PCDH15: variants seen among roughly 807,000 people sequenced by gnomAD.
PCDH15 encodes protocadherin-15.
In PCDH15, 129 loss-of-function variants were observed where a neutral mutation model predicts 178.5. That is an observed-to-expected ratio of 0.72 (90% CI 0.63 to 0.84). PCDH15 has a LOEUF of 0.84. PCDH15 is among the 40% of genes least tolerant of loss of function. The probability of loss-of-function intolerance (pLI) is 0.00; values close to 1 mark genes in which losing one functional copy is unlikely to be tolerated. For synonymous variants in PCDH15, 800 were observed against 732.0 expected, an observed-to-expected ratio of 1.09 and a Z score of -1.50; for missense variants, 2,230 against 2,099.9, an observed-to-expected ratio of 1.06 and a Z score of -1.21.
At chr10:54,339,363 CAA>C (rs5785069) in intron 6 of PCDH15, among the ~76,000 whole-genome samples, 1 of 131,646 alleles carries the variant, frequency 7.6e-6, no homozygotes, top group African/African-American at 3.0e-5. Context: ...AGGCATTAAA[CAA>C]AAAAAAAAAT....
intron 2 of PCDH15, among the ~76,000 whole-genome samples, chr10:55,050,719 A>C (rs1744544074): frequency 6.6e-6 from 1 of 152,118 alleles, no homozygotes; most frequent in South Asian, 2.1e-4. Context: ...TCTCTTTTAT[A>C]TATTGCCAAA....
intron 25 of PCDH15, among the ~76,000 whole-genome samples, chr10:53,918,641 C>T (rs998070691): frequency 6.6e-6 from 1 of 151,724 alleles, no homozygotes; most frequent in Non-Finnish European, 1.5e-5. Flanking sequence ...GAAAAAAATG[C>T]CTTTCAAACA....
Position 54,205,543 on chromosome 10 carries a change from G to GA in PCDH15, c.1098+8392dup, listed in dbSNP as rs2050715547. On this transcript the variant is annotated intron_variant, in intron 10 of 37. Transcript: ENST00000644397. ...AAATGTCTTAGGGAGGGATGACTGT[G>GA]AATAACCTGTGCTCCATGAATCAAT... Among the ~76,000 whole-genome samples, 4 of 137,108 alleles carry GA rather than the reference G, an allele frequency of 2.9e-5. No individual in the cohort carries two copies. In the South Asian group the frequency reaches 9.1e-4, roughly 31 times the overall value. The allele number at this position is 137,108 out of a possible 152,430, so 89.9% of individuals were successfully genotyped here. A position where few individuals can be genotyped will look rare whatever the true frequency, so the allele number is the denominator to read the frequency against.
At chr10:54,521,860 C>T (rs138382381) in intron 3 of PCDH15, among the ~76,000 whole-genome samples, 5,409 of 151,924 alleles carry the variant, frequency 0.036, 130 homozygotes, top group Non-Finnish European at 0.054. Flanking sequence ...GAGGCCGAGG[C>T]GGGTGGATCA....
intron 2 of PCDH15, among the ~76,000 whole-genome samples, chr10:55,412,356 T>C (rs928247140): frequency 1.3e-4 from 20 of 152,044 alleles, no homozygotes; most frequent in African/African-American, 4.6e-4. Context: ...ACATCTCCCA[T>C]GTTTTTGTAG....
chr10:55,588,652 A>T (rs1842773925), intron 2 of PCDH15, among the ~76,000 whole-genome samples: 1 of 152,084 alleles, frequency 6.6e-6, no homozygotes, highest in Non-Finnish European at 1.5e-5. Flanking sequence ...CTCTAGTATT[A>T]CCAAACCTTT....
intron 18 of PCDH15, among the ~76,000 whole-genome samples, chr10:54,048,929 AG>A (rs200150347): frequency 0.037 from 5,578 of 151,720 alleles, 128 homozygotes; most frequent in Middle Eastern, 0.068. Flanking sequence ...GTTTGATAGG[AG>A]TAGCATTGCA....
chr10:55,036,000 C>A (rs960224928), intron 2 of PCDH15, among the ~76,000 whole-genome samples: 2 of 152,018 alleles, frequency 1.3e-5, no homozygotes, highest in African/African-American at 4.8e-5. Flanking sequence ...TGTGTCCCCC[C>A]AAAGGCATGT....
intron 2 of PCDH15, among the ~76,000 whole-genome samples, chr10:55,345,676 T>A (rs1222743457): frequency 9.7e-6 from 1 of 103,360 alleles, no homozygotes; most frequent in Non-Finnish European, 2.0e-5. Flanking sequence ...TTGTGTTGTG[T>A]GATACTTTTT....
intron 2 of PCDH15, among the ~76,000 whole-genome samples, chr10:55,014,211 A>G (rs1462794835): frequency 6.6e-6 from 1 of 151,872 alleles, no homozygotes; most frequent in East Asian, 1.9e-4. Context: ...TTTTTTTTTT[A>G]TAATTACAAA....
chr10:55,331,992 C>G (rs1211104291), intron 2 of PCDH15, among the ~76,000 whole-genome samples: 1 of 152,092 alleles, frequency 6.6e-6, no homozygotes, highest in African/African-American at 2.4e-5. Flanking sequence ...TACATCAAAA[C>G]TGGCTGCCAT....
intron 15 of PCDH15, among the ~76,000 whole-genome samples, chr10:54,110,240 A>G (rs1254668983): frequency 6.6e-6 from 1 of 151,452 alleles, no homozygotes; most frequent in East Asian, 2.0e-4. Context: ...ACCCAGTGAC[A>G]TTTACTTAGT....
At chr10:53,962,469 C>T (rs2088458726) in intron 21 of PCDH15, among the ~76,000 whole-genome samples, 2 of 152,228 alleles carry the variant, frequency 1.3e-5, no homozygotes, top group South Asian at 4.1e-4. Flanking sequence ...GATTACCATG[C>T]TAGGTATTTC....
chr10:54,067,688 A>C (rs1421290151), intron 17 of PCDH15, among the ~76,000 whole-genome samples: 4 of 152,204 alleles, frequency 2.6e-5, no homozygotes, highest in African/African-American at 7.2e-5. Context: ...GCTGAGAGCA[A>C]AGGTACAGAG....
chr10:55,361,935 T>TATGG, intron 2 of PCDH15, among the ~76,000 whole-genome samples: 1 of 152,240 alleles, frequency 6.6e-6, no homozygotes, highest in South Asian at 2.1e-4. Context: ...GTATTACGTT[T>TATGG]ACCATGGACC....
chr10:55,440,745 T>A (rs1049655178), intron 2 of PCDH15, among the ~76,000 whole-genome samples: 2 of 152,158 alleles, frequency 1.3e-5, no homozygotes, highest in Admixed American at 6.5e-5. Context: ...ACACTGCTGA[T>A]AAAGACATAC....
chr10:55,385,065 G>A (rs976912731), intron 2 of PCDH15, among the ~76,000 whole-genome samples: 15 of 152,150 alleles, frequency 9.9e-5, no homozygotes, highest in Non-Finnish European at 1.8e-4. Flanking sequence ...TGCCTTTAAT[G>A]TAGAAAATTC....
chr10:53,923,312 A>T (rs2084170421), intron 25 of PCDH15, among the ~76,000 whole-genome samples: 1 of 152,150 alleles, frequency 6.6e-6, no homozygotes, highest in Admixed American at 6.5e-5. Flanking sequence ...TAAGAACAGG[A>T]ACAAGATTGA....
chr10:53,973,470 A>G (rs1239228032), intron 21 of PCDH15, among the ~76,000 whole-genome samples: 1 of 152,180 alleles, frequency 6.6e-6, no homozygotes, highest in Non-Finnish European at 1.5e-5. Context: ...ACAAATCAAT[A>G]TTTAAAATTG....
Sources: allele counts gnomAD v4.1 joint callset (sites outside exome capture counted in the v4.1 genomes callset), GRCh38; gene constraint gnomAD v4.1.1; transcripts MANE v1.5; gene names NCBI Gene and HGNC (gene_info 2026-07-23, HGNC 2026-07-21).